CNTNAP5: variants seen among roughly 807,000 people sequenced by gnomAD.
CNTNAP5 encodes contactin associated protein family member 5.
Under a neutral mutation model 150.2 loss-of-function variants are expected in CNTNAP5, and 72 were observed. The observed-to-expected ratio is 0.48, with a 90% confidence interval of 0.40 to 0.58. The LOEUF (loss-of-function observed/expected upper bound fraction) is 0.58, where lower values mean the gene tolerates loss of function less well. Among genes scored for constraint, CNTNAP5 ranks in the 20% least tolerant of loss-of-function variants. The pLI is 0.00. For missense variants in CNTNAP5, 1,636 were observed against 1,626.2 expected (o/e 1.01, Z -0.10); for synonymous variants, 672 against 619.8 (o/e 1.08, Z -1.25).
At chr2:124,437,519 T>G (rs1692563289) in intron 5 of CNTNAP5, among the ~76,000 whole-genome samples, 1 of 152,168 alleles carries the variant, frequency 6.6e-6, no homozygotes, top group African/African-American at 2.4e-5. Flanking sequence ...TTATAAAATA[T>G]ATATCAGTTT....
chr2:124,604,368 A>T (rs1369253711), intron 11 of CNTNAP5, among the ~76,000 whole-genome samples: 1 of 152,156 alleles, frequency 6.6e-6, no homozygotes, highest in Admixed American at 6.5e-5. Flanking sequence ...TATATTTTAA[A>T]TTTTTTTGGT....
At chr2:124,392,424 A>G (rs1691137613) in intron 3 of CNTNAP5, among the ~76,000 whole-genome samples, 1 of 152,186 alleles carries the variant, frequency 6.6e-6, no homozygotes, top group Non-Finnish European at 1.5e-5. Flanking sequence ...GTTAAATGAA[A>G]TCTCTAAATA....
At chr2:124,714,139 A>G (rs1177345910) in intron 13 of CNTNAP5, among the ~76,000 whole-genome samples, 1 of 152,054 alleles carries the variant, frequency 6.6e-6, no homozygotes, top group Non-Finnish European at 1.5e-5. Flanking sequence ...TGTTCCATGC[A>G]TTATGAAATA....
chr2:124,583,588 G>A (rs1696462533), intron 11 of CNTNAP5, among the ~76,000 whole-genome samples: 1 of 152,172 alleles, frequency 6.6e-6, no homozygotes, highest in Admixed American at 6.5e-5. Context: ...CAATTTGACT[G>A]AACTAAATTC....
rs528918498 is a variant in CNTNAP5, at chr2:124,791,464, T to G, written c.2992+1323T>G. ...CACTGGCGGAGGTCTCTGAACAACT[T>G]CCCCTGAGAAGTGTGAATGCTTCCC... On this transcript the variant is annotated intron_variant, in intron 18 of 23. Coordinates refer to ENST00000682447, the MANE Select transcript of CNTNAP5 (RefSeq NM_001367498.1). Among the ~76,000 whole-genome samples the G allele has an allele frequency of 2.0e-5, 3 of 152,180 alleles. No individual in the cohort carries two copies. In the East Asian group the frequency reaches 5.8e-4, roughly 29 times the overall value.
At chr2:124,173,870 T>A (rs1684997158) in intron 1 of CNTNAP5, among the ~76,000 whole-genome samples, 1 of 152,134 alleles carries the variant, frequency 6.6e-6, no homozygotes, top group African/African-American at 2.4e-5. Context: ...AGAGGAGAAG[T>A]CAATGCCTAT....
intron 2 of CNTNAP5, among the ~76,000 whole-genome samples, chr2:124,224,335 A>G (rs1441581815): frequency 2.0e-5 from 3 of 152,162 alleles, no homozygotes; most frequent in Admixed American, 1.3e-4. Flanking sequence ...AAGAGCTGAC[A>G]TGGATAATAC....
At chr2:124,880,644 T>C (rs908276167) in intron 21 of CNTNAP5, among the ~76,000 whole-genome samples, 2 of 152,118 alleles carry the variant, frequency 1.3e-5, no homozygotes, top group African/African-American at 4.8e-5. Context: ...GAATGCATTA[T>C]TGAATACCTA....
chr2:124,044,400 C>A (rs375000309), intron 1 of CNTNAP5, among the ~76,000 whole-genome samples: 1 of 152,206 alleles, frequency 6.6e-6, no homozygotes, highest in African/African-American at 2.4e-5. Flanking sequence ...AAAGATTTCA[C>A]AACCCAGGTA....
At chr2:124,797,248 T>C (rs760649332) in intron 18 of CNTNAP5, among the ~76,000 whole-genome samples, 58 of 152,204 alleles carry the variant, frequency 3.8e-4, no homozygotes, top group Non-Finnish European at 7.6e-4. Flanking sequence ...AGTCACTCAG[T>C]GCTAGTTCCA....
In CNTNAP5 at chr2:124,650,744, T is replaced by A. The variant is rs150912069; in HGVS notation, c.2077+2786T>A. 8.5e-5 allele frequency among the ~76,000 whole-genome samples: 13 copies of A among 152,346 alleles called. No individual in the cohort carries two copies. In the East Asian group the frequency reaches 2.3e-3, roughly 27 times the overall value. On this transcript the variant is annotated intron_variant, in intron 13 of 23. Transcript: ENST00000682447. ...ACAGGAAATGTACAAATACCTTTCT[T>A]TATCAATAAATACAACTTCATATCA... is the stretch of plus-strand genomic sequence containing the variant.
intron 20 of CNTNAP5, 127 bp from the exon 21 acceptor site, chr2:124,869,548 A>G: frequency 3.2e-6 from 2 of 629,994 alleles, no homozygotes; most frequent in South Asian, 1.9e-5. Flanking sequence ...ATCTCTCCTG[A>G]GAGAAAATCT....
At chr2:124,463,799 G>A (rs1380031840) in intron 6 of CNTNAP5, among the ~76,000 whole-genome samples, 2 of 152,180 alleles carry the variant, frequency 1.3e-5, no homozygotes, top group South Asian at 2.1e-4. Context: ...AGTGGAACCA[G>A]GTGTAGAAGA....
chr2:124,132,982 A>G (rs938133414), intron 1 of CNTNAP5, among the ~76,000 whole-genome samples: 3 of 152,208 alleles, frequency 2.0e-5, no homozygotes, highest in Non-Finnish European at 4.4e-5. Context: ...ATTCCTTAAA[A>G]GCAATACTAA....
intron 1 of CNTNAP5, among the ~76,000 whole-genome samples, chr2:124,198,782 T>C (rs550425753): frequency 2.0e-5 from 3 of 152,266 alleles, no homozygotes; most frequent in African/African-American, 7.2e-5. Flanking sequence ...GTTTTCCCTT[T>C]TACAATTAAA....
At chr2:124,702,579 A>C (rs1005400326) in intron 13 of CNTNAP5, among the ~76,000 whole-genome samples, 4 of 151,618 alleles carry the variant, frequency 2.6e-5, no homozygotes, top group African/African-American at 7.3e-5. Flanking sequence ...TGCCAATTCC[A>C]TGGCTGTTGA....
At chr2:124,360,241 A>G (rs990116077) in intron 3 of CNTNAP5, among the ~76,000 whole-genome samples, 17 of 151,702 alleles carry the variant, frequency 1.1e-4, no homozygotes, top group African/African-American at 3.9e-4. Context: ...CACACTGAAT[A>G]CAGCTCTTGA....
intron 19 of CNTNAP5, among the ~76,000 whole-genome samples, chr2:124,864,556 CTCTG>C (rs997969073): frequency 8.7e-4 from 91 of 104,186 alleles, no homozygotes; most frequent in Middle Eastern, 5.5e-3. Flanking sequence ...GTCTCTCTCT[CTCTG>C]TCTCTCTGTG....
chr2:124,743,263 T>A (rs951815643), intron 13 of CNTNAP5, among the ~76,000 whole-genome samples: 2 of 152,216 alleles, frequency 1.3e-5, no homozygotes, highest in African/African-American at 4.8e-5. Context: ...ATTTAAAATA[T>A]TGATCCATTA....
Sources: allele counts gnomAD v4.1 joint callset (sites outside exome capture counted in the v4.1 genomes callset), GRCh38; gene constraint gnomAD v4.1.1; transcripts MANE v1.5; gene names NCBI Gene and HGNC (gene_info 2026-07-23, HGNC 2026-07-21).